ADARB1: variants seen among roughly 807,000 people sequenced by gnomAD.
ADARB1 encodes the protein adenosine deaminase RNA specific B1, also known as double-stranded RNA-specific editase 1.
In ADARB1, 10 loss-of-function variants were observed where a neutral mutation model predicts 52.4. The observed-to-expected ratio is 0.19, with a 90% CI of 0.12 to 0.32. The LOEUF is 0.32. ADARB1 is among the 10% of genes least tolerant of loss of function. ADARB1 has a pLI of 1.00. For synonymous variants in ADARB1, 349 were observed against 371.1 expected (o/e 0.94, Z 0.68); for missense variants, 643 against 922.3 (o/e 0.70, Z 3.92).
chr21:45,079,109 G>A (rs577249397), intron 1 of ADARB1, among the ~76,000 whole-genome samples: 7 of 152,230 alleles, frequency 4.6e-5, no homozygotes, highest in Admixed American at 1.3e-4. Context: ...TGACTGTACC[G>A]GCACCTCAGA....
At chr21:45,212,263 A>G (rs1477519752) in intron 9 of ADARB1, among the ~76,000 whole-genome samples, 1 of 152,166 alleles carries the variant, frequency 6.6e-6, no homozygotes, top group African/African-American at 2.4e-5. Flanking sequence ...TCTTCTAGCC[A>G]TTCCCCCACA....
At chr21:45,135,473 G>C (rs2089307509) in intron 2 of ADARB1, among the ~76,000 whole-genome samples, 1 of 152,226 alleles carries the variant, frequency 6.6e-6, no homozygotes, top group African/African-American at 2.4e-5. Context: ...GATTTAAGAG[G>C]AAAAGACCAA....
chr21:45,129,454 A>C (rs1187402652), intron 2 of ADARB1, among the ~76,000 whole-genome samples: 1 of 152,172 alleles, frequency 6.6e-6, no homozygotes, highest in East Asian at 1.9e-4. Context: ...GGGAAAGAGA[A>C]GGTGTCAGAG....
chr21:45,107,495 G>A lies in ADARB1; in HGVS notation c.-219-20907G>A, dbSNP rs775779093. The stretch of plus-strand genomic sequence containing the variant: ...GCTATATGGAAAATAGTGTGGCAAG[G>A]TTGCATGAAGAACCAGACAGACCAA... On this transcript the variant is annotated intron_variant, in intron 1 of 10. Transcript: ENST00000348831. Among the ~76,000 whole-genome samples the A allele has an allele frequency of 6.3e-4, 96 of 152,188 alleles. 1 individual carries two copies. Among genetic ancestry groups the A allele is most frequent in the Middle Eastern group, 6.8e-3 (2 of 294 alleles).
At chr21:45,191,563 C>T (rs147076246) in intron 8 of ADARB1, among the ~76,000 whole-genome samples, 6 of 152,136 alleles carry the variant, frequency 3.9e-5, no homozygotes, top group African/African-American at 1.4e-4. Flanking sequence ...TAATAGATTT[C>T]CTGATGTTGA....
At chr21:45,210,061 G>T (rs1046710189) in intron 9 of ADARB1, among the ~76,000 whole-genome samples, 2 of 152,190 alleles carry the variant, frequency 1.3e-5, no homozygotes, top group Non-Finnish European at 2.9e-5. Flanking sequence ...CTGCACCACG[G>T]CCGCCACACG....
chr21:45,076,491 G>A (rs771347709), intron 1 of ADARB1, among the ~76,000 whole-genome samples: 1 of 152,188 alleles, frequency 6.6e-6, no homozygotes, highest in African/African-American at 2.4e-5. Context: ...CACATTTGAA[G>A]CTGTAGTTGG....
intron 1 of ADARB1, among the ~76,000 whole-genome samples, chr21:45,103,805 T>C (rs1034174204): frequency 6.6e-6 from 1 of 152,234 alleles, no homozygotes; most frequent in African/African-American, 2.4e-5. Flanking sequence ...AAAATTGTTC[T>C]AAAAATAACG....
chr21:45,187,941 G>A (rs905913435), intron 8 of ADARB1, among the ~76,000 whole-genome samples: 3 of 152,132 alleles, frequency 2.0e-5, no homozygotes, highest in African/African-American at 7.2e-5. Context: ...ATACTGGTTT[G>A]TAGCTTTTTT....
At chr21:45,180,099 G>A (rs1253754525) in intron 4 of ADARB1, among the ~76,000 whole-genome samples, 3 of 152,360 alleles carry the variant, frequency 2.0e-5, no homozygotes, top group Admixed American at 6.5e-5. Context: ...GGCCCCACGC[G>A]GGTGGCGAAG....
chr21:45,212,626 C>T (rs768210141), intron 9 of ADARB1, among the ~76,000 whole-genome samples: 2 of 152,042 alleles, frequency 1.3e-5, no homozygotes, highest in East Asian at 1.9e-4. Flanking sequence ...CAGGGAAGGA[C>T]GGTGTTGGAG....
chr21:45,124,766 G>GAT (rs1555891508), intron 1 of ADARB1, among the ~76,000 whole-genome samples: 13 of 25,520 alleles, frequency 5.1e-4, no homozygotes, highest in African/African-American at 1.5e-3. Context: ...CTTTTTAAAT[G>GAT]GTGTGTGTGT....
intron 2 of ADARB1, among the ~76,000 whole-genome samples, chr21:45,130,721 C>G (rs185852091): frequency 6.6e-6 from 1 of 152,162 alleles, no homozygotes; most frequent in Non-Finnish European, 1.5e-5. Context: ...TGCCGTGTAG[C>G]CACAGGTCGC....
intron 1 of ADARB1, among the ~76,000 whole-genome samples, chr21:45,092,750 A>C (rs1270163596): frequency 6.6e-6 from 1 of 152,262 alleles, no homozygotes; most frequent in Non-Finnish European, 1.5e-5. Context: ...AAAACAGAGC[A>C]GACAAGGCAG....
At chr21:45,099,690 A>G (rs947835727) in intron 1 of ADARB1, among the ~76,000 whole-genome samples, 2 of 152,206 alleles carry the variant, frequency 1.3e-5, no homozygotes, top group Non-Finnish European at 1.5e-5. Flanking sequence ...TGTCATTTTA[A>G]GTTATGTAAA....
chr21:45,150,504 TTTAG>T (rs1259055250), intron 2 of ADARB1, among the ~76,000 whole-genome samples: 14 of 152,194 alleles, frequency 9.2e-5, no homozygotes, highest in African/African-American at 3.1e-4. Context: ...ACTTTGAAAA[TTTAG>T]TTAAATCATA....
intron 2 of ADARB1, chr21:45,132,226 T>C (rs1462990346): frequency 6.6e-6 from 1 of 152,164 alleles, no homozygotes; most frequent in East Asian, 1.9e-4. Flanking sequence ...AAGCTGTCAG[T>C]GTGGTGTTGG....
In ADARB1 at chr21:45,208,482, G is replaced by A. The variant is rs535816105; in HGVS notation, c.1747+3746G>A. On this transcript the variant is annotated intron_variant, in intron 9 of 10. Transcript: ENST00000348831. This position sits in a 1 kb window ranked among gnomAD's most constrained non-coding sequence, Gnocchi z 5.6. ...GGTGTGTGGCAGGAAGAAGGCAGGT[G>A]CCTGCTGAGCTGCTATCCACCCGAG... Among the ~76,000 whole-genome samples the A allele has an allele frequency of 1.3e-5, 2 of 152,346 alleles. No individual in the cohort carries two copies. The highest frequency in any genetic ancestry group is 3.9e-4 in the East Asian group (2 of 5,178).
At chr21:45,153,626 T>G (rs1239748582) in intron 2 of ADARB1, among the ~76,000 whole-genome samples, 1 of 152,210 alleles carries the variant, frequency 6.6e-6, no homozygotes, top group Non-Finnish European at 1.5e-5. Flanking sequence ...CAGATGAATC[T>G]CAAAGTCAGC....
Sources: allele counts gnomAD v4.1 joint callset (sites outside exome capture counted in the v4.1 genomes callset), GRCh38; gene constraint gnomAD v4.1.1; non-coding constraint Gnocchi (gnomAD v3.1); transcripts MANE v1.5; gene names NCBI Gene and HGNC (gene_info 2026-07-23, HGNC 2026-07-21).